The following F13A1 variants were observed in gnomAD, a reference collection of about 807,000 sequenced individuals.
The protein encoded by F13A1 is coagulation factor XIII A chain.
Under a neutral mutation model 80.1 loss-of-function variants are expected in F13A1, and 47 were observed. The observed-to-expected ratio is 0.59, with a 90% CI of 0.46 to 0.75. F13A1 has a LOEUF of 0.75. Ranked by LOEUF, F13A1 falls within the 30% of genes least tolerant of loss-of-function variation. The pLI is 0.00. For synonymous variants in F13A1, 349 were observed against 344.9 expected, an observed-to-expected ratio of 1.01 and a Z score of -0.13; for missense variants, 817 against 930.4, an observed-to-expected ratio of 0.88 and a Z score of 1.59.
chr6:6,211,781 T>C (rs1761616724), intron 8 of F13A1, among the ~76,000 whole-genome samples: 1 of 152,318 alleles, frequency 6.6e-6, no homozygotes, highest in Admixed American at 6.5e-5. Flanking sequence ...TTCATCTCAC[T>C]AGGGAGTGCC....
intron 6 of F13A1, among the ~76,000 whole-genome samples, chr6:6,229,258 T>C (rs1300903280): frequency 6.6e-6 from 1 of 152,076 alleles, no homozygotes; most frequent in South Asian, 2.1e-4. Context: ...AAAATATACA[T>C]AGAAGAAAAC....
chr6:6,160,756 A>C (rs1043582226), intron 13 of F13A1, among the ~76,000 whole-genome samples: 1 of 152,256 alleles, frequency 6.6e-6, no homozygotes, highest in African/African-American at 2.4e-5. Context: ...AGATAAATAA[A>C]AACTAGAAAG....
intron 12 of F13A1, among the ~76,000 whole-genome samples, chr6:6,170,408 C>T (rs1159444936): frequency 2.6e-5 from 4 of 152,178 alleles, no homozygotes; most frequent in Non-Finnish European, 2.9e-5. Flanking sequence ...GAGAACAGTG[C>T]TTCTGAAATA....
intron 3 of F13A1, among the ~76,000 whole-genome samples, chr6:6,300,394 A>G (rs1758407318): frequency 6.6e-6 from 1 of 150,746 alleles, no homozygotes; most frequent in Non-Finnish European, 1.5e-5. Flanking sequence ...AATCAGCGAG[A>G]CTCCGTGGGC....
intron 3 of F13A1, among the ~76,000 whole-genome samples, chr6:6,291,066 G>T (rs1758218203): frequency 7.1e-6 from 1 of 140,096 alleles, no homozygotes; most frequent in Non-Finnish European, 1.5e-5. Flanking sequence ...AGATGTAAGG[G>T]TACTCATCTG....
rs548992665 is a variant in F13A1, at chr6:6,211,540, T to C, written c.1112+10493A>G. ...TTCTTCTCTACTATTTTACTTGGAATTCGTTTTTAGATCATTCTGCTTTGC... is the reference window on the plus strand; with the variant it reads ...TTCTTCTCTACTATTTTACTTGGAACTCGTTTTTAGATCATTCTGCTTTGC... On this transcript the variant is annotated intron_variant, in intron 8 of 14. Coordinates refer to ENST00000264870, the MANE Select transcript of F13A1 (RefSeq NM_000129.4). Among the ~76,000 whole-genome samples the C allele has an allele frequency of 4.9e-4, 75 of 152,392 alleles. No homozygotes were observed. In the South Asian group the frequency reaches 6.4e-3, roughly 13 times the overall value.
chr6:6,160,205 A>G (rs550160403), intron 13 of F13A1, among the ~76,000 whole-genome samples: 11 of 145,764 alleles, frequency 7.5e-5, no homozygotes, highest in South Asian at 6.7e-4. Flanking sequence ...TGAACCCAGG[A>G]GACGAAGGTT....
rs902994465 is a variant in F13A1, at chr6:6,243,713, G to C, written c.798+4599C>G. ...TTGAGTGAGGGACACCACTTCCAAGGGCTTCTGCTTCCTCACCCAGAAGAC... is the reference window on the plus strand; with the variant it reads ...TTGAGTGAGGGACACCACTTCCAAGCGCTTCTGCTTCCTCACCCAGAAGAC... On this transcript the variant is annotated intron_variant, in intron 6 of 14. Coordinates refer to ENST00000264870, the MANE Select transcript of F13A1 (RefSeq NM_000129.4). The surrounding 1 kb of genome is among the most constrained non-coding windows in gnomAD (Gnocchi z 4.2). Among the ~76,000 whole-genome samples the C allele has an allele frequency of 9.9e-5, 15 of 152,176 alleles. No homozygotes were observed. The highest frequency in any genetic ancestry group is 8.5e-4 in the Admixed American group (13 of 15,270).
intron 3 of F13A1, among the ~76,000 whole-genome samples, chr6:6,269,360 G>C (rs1467817550): frequency 1.3e-5 from 2 of 152,114 alleles, no homozygotes; most frequent in Non-Finnish European, 2.9e-5. Context: ...TGCTCCATCT[G>C]TGGGAAATTA....
intron 3 of F13A1, among the ~76,000 whole-genome samples, chr6:6,302,565 A>G (rs1758449652): frequency 6.6e-6 from 1 of 152,232 alleles, no homozygotes; most frequent in African/African-American, 2.4e-5. Flanking sequence ...GTACACCTGC[A>G]TAGGACACTT....
chr6:6,168,723 G>T (rs1250296772), intron 12 of F13A1, among the ~76,000 whole-genome samples: 2 of 152,246 alleles, frequency 1.3e-5, no homozygotes, highest in African/African-American at 2.4e-5. Flanking sequence ...TGAGCACAGA[G>T]GGTAATTCAT....
chr6:6,202,901 A>G (rs1761422513), intron 8 of F13A1, among the ~76,000 whole-genome samples: 1 of 152,266 alleles, frequency 6.6e-6, no homozygotes, highest in Non-Finnish European at 1.5e-5. Context: ...TCACTAGAAC[A>G]GCAGCACCAT....
chr6:6,212,189 G>GGCCT (rs1761629308), intron 8 of F13A1, among the ~76,000 whole-genome samples: 1 of 152,242 alleles, frequency 6.6e-6, no homozygotes, highest in Non-Finnish European at 1.5e-5. Context: ...AGCTCAAGGA[G>GGCCT]GCCTGCCTGC....
At chr6:6,311,023 G>T (rs572915215) in intron 2 of F13A1, among the ~76,000 whole-genome samples, 2 of 145,196 alleles carry the variant, frequency 1.4e-5, no homozygotes, top group Admixed American at 7.0e-5. Context: ...CTCTTGATTC[G>T]CAGGAAACAT....
At chr6:6,239,351 C>T (rs1162447833) in intron 6 of F13A1, among the ~76,000 whole-genome samples, 4 of 152,120 alleles carry the variant, frequency 2.6e-5, no homozygotes, top group Non-Finnish European at 5.9e-5. Context: ...ACGAGGGAAA[C>T]TTCTGAGCTT....
intron 13 of F13A1, among the ~76,000 whole-genome samples, chr6:6,165,353 C>G (rs1244201187): frequency 1.3e-5 from 2 of 152,126 alleles, no homozygotes; most frequent in East Asian, 3.8e-4. Flanking sequence ...AGATAACTAA[C>G]AAATAATCCT....
intron 10 of F13A1, among the ~76,000 whole-genome samples, chr6:6,185,059 A>C (rs1761053978): frequency 6.6e-6 from 1 of 152,152 alleles, no homozygotes; most frequent in African/African-American, 2.4e-5. Context: ...ACAATAGATA[A>C]GTTCAGAGTG....
intron 10 of F13A1, among the ~76,000 whole-genome samples, chr6:6,193,650 A>G (rs1376006537): frequency 6.6e-6 from 1 of 152,036 alleles, no homozygotes; most frequent in Non-Finnish European, 1.5e-5. Context: ...CATTCATAAC[A>G]CCCCGATCTA....
At chr6:6,199,203 C>T (rs1463983347) in intron 8 of F13A1, among the ~76,000 whole-genome samples, 1 of 152,146 alleles carries the variant, frequency 6.6e-6, no homozygotes, top group Non-Finnish European at 1.5e-5. Flanking sequence ...AAGAACAGTA[C>T]TATTGGTCGG....
Sources: gnomAD v4.1 joint callset for allele counts (sites outside exome capture counted in the v4.1 genomes callset) on GRCh38, gnomAD v4.1.1 for gene constraint, Gnocchi (gnomAD v3.1) non-coding constraint, MANE v1.5 for transcripts, NCBI Gene and HGNC (gene_info 2026-07-23, HGNC 2026-07-21) for gene names.